NHSL3: variants seen among roughly 807,000 people sequenced by gnomAD.
NHSL3 encodes NHS-like protein 3.
the NHSL3 span, among the ~76,000 whole-genome samples, chr1:32,756,482 C>CT: frequency 8.7e-6 from 1 of 115,356 alleles, no homozygotes; most frequent in African/African-American, 3.3e-5. Flanking sequence ...CCCCCCCCCC[C>CT]GCCCATTTCT....
chr1:32,753,936 T>C, the NHSL3 span: 2 of 262,670 alleles, frequency 7.6e-6, no homozygotes, highest in African/African-American at 4.6e-5. Context: ...GGCCTGGCCA[T>C]TGGCCGCAGA....
chr1:32,744,264 CTT>C, the NHSL3 span, among the ~76,000 whole-genome samples: 1 of 152,144 alleles, frequency 6.6e-6, no homozygotes, highest in Admixed American at 6.6e-5. Flanking sequence ...GACTCTCCTA[CTT>C]TAAGATGGAA....
the NHSL3 span, among the ~76,000 whole-genome samples, chr1:32,760,846 C>T: frequency 6.6e-6 from 1 of 152,176 alleles, no homozygotes; most frequent in South Asian, 2.1e-4. Context: ...GCCTTGGCCT[C>T]CCAAAGTGCT....
chr1:32,747,176 GT>G, the NHSL3 span, among the ~76,000 whole-genome samples: 15 of 147,532 alleles, frequency 1.0e-4, no homozygotes, highest in East Asian at 5.9e-4. Flanking sequence ...GACAAAGATG[GT>G]TTTTTTTTTG....
chr1:32,756,428 T>C, the NHSL3 span, among the ~76,000 whole-genome samples: 1 of 144,494 alleles, frequency 6.9e-6, no homozygotes, highest in East Asian at 2.1e-4. Context: ...GAGGATAACT[T>C]GAGCCCAGGA....
chr1:32,767,283 TG>T, the NHSL3 span, among the ~76,000 whole-genome samples: 1 of 152,154 alleles, frequency 6.6e-6, no homozygotes, highest in Non-Finnish European at 1.5e-5. Context: ...ATACTCGGGA[TG>T]TTTTTTGTGG....
At chr1:32,751,285 C>G in the NHSL3 span, among the ~76,000 whole-genome samples, 1 of 152,220 alleles carries the variant, frequency 6.6e-6, no homozygotes, top group South Asian at 2.1e-4. Flanking sequence ...GGAGCAAGCA[C>G]TGCCTTTGCA....
At chr1:32,772,925 G>C in the NHSL3 span, 4 of 1,609,944 alleles carry the variant, frequency 2.5e-6, no homozygotes, top group Non-Finnish European at 3.4e-6. Context: ...ACCCATCCCA[G>C]AAACACAATC....
chr1:32,771,571 G>C, the NHSL3 span: 1 of 1,611,500 alleles, frequency 6.2e-7, no homozygotes, highest in African/African-American at 1.3e-5. Flanking sequence ...TTTCTCTGTG[G>C]CCAGCCCTGA....
At chr1:32,771,420 A>C in the NHSL3 span, 1 of 1,307,616 alleles carries the variant, frequency 7.6e-7, no homozygotes, top group Non-Finnish European at 1.0e-6. Flanking sequence ...CTAAGAAGCC[A>C]GAGGTGGTTG....
chr1:32,771,856 G>A, the NHSL3 span: 1 of 1,600,818 alleles, frequency 6.2e-7, no homozygotes, highest in Admixed American at 1.7e-5. Context: ...GCGCTCCGTG[G>A]GTGCTCCAGG....
At chr1:32,742,262 CCG>C in the NHSL3 span, 1 of 1,217,608 alleles carries the variant, frequency 8.2e-7, no homozygotes, top group Non-Finnish European at 1.0e-6. Context: ...TGCCGGGGGT[CCG>C]CGCGCGGCGT....
the NHSL3 span, chr1:32,771,740 A>C: frequency 6.2e-7 from 1 of 1,613,778 alleles, no homozygotes; most frequent in Non-Finnish European, 8.5e-7. Context: ...CATGTGGCCA[A>C]GCTCCCTCAG....
At chr1:32,770,570 C>T in the NHSL3 span, 4 of 1,523,956 alleles carry the variant, frequency 2.6e-6, no homozygotes, top group Non-Finnish European at 3.5e-6. The surrounding 1 kb of genome is among the most constrained non-coding windows in gnomAD (Gnocchi z 8.3). Context: ...AGGGGCTCTC[C>T]CAGTGGGGGC....
the NHSL3 span, among the ~76,000 whole-genome samples, chr1:32,757,866 C>T: frequency 6.6e-6 from 1 of 152,180 alleles, no homozygotes; most frequent in African/African-American, 2.4e-5. Context: ...ACACCCTGCA[C>T]GTCCTCTGGG....
At chr1:32,770,166 A>G in the NHSL3 span, 1 of 1,597,316 alleles carries the variant, frequency 6.3e-7, no homozygotes. The surrounding 1 kb of genome is among the most constrained non-coding windows in gnomAD (Gnocchi z 8.3). Flanking sequence ...CTGGATTGAC[A>G]GGAGGGGCAG....
the NHSL3 span, chr1:32,771,958 T>G: frequency 3.7e-6 from 6 of 1,604,994 alleles, no homozygotes; most frequent in Non-Finnish European, 5.1e-6. Context: ...GCCTGCCCCC[T>G]CCTCAGGGCT....
the NHSL3 span, chr1:32,774,631 C>T: frequency 6.6e-6 from 1 of 152,420 alleles, no homozygotes; most frequent in East Asian, 2.0e-4. Flanking sequence ...CCCTCTCCCT[C>T]CTCCAACATT....
At chr1:32,771,826 C>G in the NHSL3 span, 1 of 1,611,466 alleles carries the variant, frequency 6.2e-7, no homozygotes, top group Non-Finnish European at 8.5e-7. Flanking sequence ...CACGCCCTCG[C>G]TCCTGCAGAT....
Sources: gnomAD v4.1 joint callset for allele counts (sites outside exome capture counted in the v4.1 genomes callset) on GRCh38, gnomAD v4.1.1 for gene constraint, Gnocchi (gnomAD v3.1) non-coding constraint, MANE v1.5 for transcripts, NCBI Gene and HGNC (gene_info 2026-07-23, HGNC 2026-07-21) for gene names.